The following PTPRB variants were observed in gnomAD, a reference collection of about 807,000 sequenced individuals.
PTPRB encodes the protein protein tyrosine phosphatase receptor type B, also known as receptor-type tyrosine-protein phosphatase beta.
A neutral mutation model predicts 238.1 loss-of-function variants in PTPRB; 97 were observed. The observed-to-expected ratio is 0.41, with a 90% confidence interval of 0.35 to 0.48. The LOEUF is 0.48. PTPRB is among the 20% of genes least tolerant of loss of function. The pLI is 0.30. For missense variants in PTPRB, 2,292 were observed against 2,681.9 expected (o/e 0.85, Z 3.21); for synonymous variants, 970 against 995.4 (o/e 0.97, Z 0.48).
Position 70,562,884 on chromosome 12 carries a change from A to G in PTPRB, c.4128T>C (p.Ser1376=), listed in dbSNP as rs753817349. The change falls in exon 16 of 34, where the codon AGT becomes AGC. Residue 1376 remains serine (S), a synonymous_variant. Transcript: ENST00000334414. ...RMYKMVIVTH[S]GELSNESFIF... ...TGAAAGACTCATTAGACAGCTCCCCACTGTGAGTTACAATCACCATCTTGT... is the reference window on the plus strand; with the variant it reads ...TGAAAGACTCATTAGACAGCTCCCCGCTGTGAGTTACAATCACCATCTTGT... 2 of 1,613,982 alleles carry G rather than the reference A, an allele frequency of 1.2e-6. No homozygotes were observed. The highest frequency in any genetic ancestry group is 1.1e-5 in the South Asian group (1 of 91,082).
In PTPRB at chr12:70,518,504, A is replaced by G. The variant is rs2136184744; in HGVS notation, c.*2985T>C. 1 of 152,326 alleles carries G rather than the reference A, an allele frequency of 6.6e-6. No individual in the cohort carries two copies. The highest frequency in any genetic ancestry group is 1.9e-4 in the East Asian group (1 of 5,182). 9.4% of individuals were successfully genotyped at this position (152,326 alleles called of 1,614,324 possible). A position where few individuals can be genotyped will look rare whatever the true frequency, so the allele number is the denominator to read the frequency against. ...GGACTATGAAATTATACTCATGGGT[A>G]TAAAAGATAATATGAACAGTAGATA... is the stretch of plus-strand genomic sequence containing the variant. On this transcript the variant is annotated 3_prime_UTR_variant, in exon 34 of 34. Coordinates refer to ENST00000334414, the MANE Select transcript of PTPRB (RefSeq NM_001109754.4).
intron 10 of PTPRB, 58 bp from the exon 11 acceptor site, chr12:70,576,703 GAC>G: frequency 2.5e-6 from 2 of 788,998 alleles, no homozygotes; most frequent in South Asian, 3.4e-5. Flanking sequence ...CAAAAAGAAA[GAC>G]ACAGTCAAAA....
chr12:70,588,931 C>T (rs1592544846), intron 8 of PTPRB, among the ~76,000 whole-genome samples: 1 of 152,054 alleles, frequency 6.6e-6, no homozygotes, highest in Non-Finnish European at 1.5e-5. Flanking sequence ...CCAGCCTAGG[C>T]CTGGGAGACA....
chr12:70,540,273 T>C (rs1252755810), intron 23 of PTPRB: 1 of 382,024 alleles, frequency 2.6e-6, no homozygotes, highest in Non-Finnish European at 4.7e-6. Flanking sequence ...TATAATCACT[T>C]CCCACATTCT....
intron 21 of PTPRB, among the ~76,000 whole-genome samples, chr12:70,550,762 C>G: frequency 6.6e-6 from 1 of 152,118 alleles, no homozygotes; most frequent in Middle Eastern, 3.2e-3. Context: ...TCACCCCTCC[C>G]CTTTCCATAA....
intron 4 of PTPRB, among the ~76,000 whole-genome samples, chr12:70,597,224 C>T (rs1212958727): frequency 6.6e-6 from 1 of 152,092 alleles, no homozygotes; most frequent in Non-Finnish European, 1.5e-5. Flanking sequence ...ATCTGGCCCC[C>T]TATATCCCTA....
At chr12:70,606,818 G>A (rs1475259706) in intron 4 of PTPRB, among the ~76,000 whole-genome samples, 1 of 152,104 alleles carries the variant, frequency 6.6e-6, no homozygotes, top group East Asian at 1.9e-4. Context: ...ATTCCTCCCT[G>A]AAACAATTTT....
chr12:70,618,288 C>A (rs1884768867), intron 3 of PTPRB, among the ~76,000 whole-genome samples: 1 of 151,984 alleles, frequency 6.6e-6, no homozygotes. Flanking sequence ...TTTATTTTTT[C>A]TTGCAGAGAC....
rs753042261 is a variant in PTPRB, at chr12:70,576,662, T to TGGGGG, written c.2579-22_2579-18dup. The TGGGGG allele has an allele frequency of 0.013, 193 of 15,266 alleles. 5 individuals are homozygous for TGGGGG. The highest frequency in any genetic ancestry group is 0.019 in the South Asian group (3 of 162). 0.9% of individuals were successfully genotyped at this position (15,266 alleles called of 1,614,324 possible). A position where few individuals can be genotyped will look rare whatever the true frequency, so the allele number is the denominator to read the frequency against. On this transcript the variant is annotated splice_polypyrimidine_tract_variant and intron_variant, in intron 10 of 33. Coordinates refer to ENST00000334414, the MANE Select transcript of PTPRB (RefSeq NM_001109754.4). ...TGGAAGGGACTGTGATTTTGAAAGGTGGGGGGCGGGGGGGGGGGGGAAGGG... is the reference window on the plus strand; with the variant it reads ...TGGAAGGGACTGTGATTTTGAAAGGTGGGGGGGGGGGCGGGGGGGGGGGGGAAGGG...
chr12:70,575,248 G>A (rs112725174), intron 11 of PTPRB, among the ~76,000 whole-genome samples: 1 of 152,126 alleles, frequency 6.6e-6, no homozygotes, highest in Non-Finnish European at 1.5e-5. Context: ...CCTTCTCTGG[G>A]ACTTCCTTTA....
chr12:70,615,932 TAA>T (rs1592595677), intron 3 of PTPRB, among the ~76,000 whole-genome samples: 1 of 152,186 alleles, frequency 6.6e-6, no homozygotes, highest in African/African-American at 2.4e-5. Context: ...GCAATCTCAA[TAA>T]AGTTATCAAA....
Position 70,552,957 on chromosome 12 carries a change from T to C in PTPRB, c.5207A>G (p.Asn1736Ser), listed in dbSNP as rs761321515. The change falls in exon 21 of 34, where the codon AAT (asparagine) becomes AGT (serine). Residue 1736 changes from asparagine to serine, a missense_variant. Transcript: ENST00000334414. ...AGTCTGATACACCCGAATGGAGGCA[T>C]TGTGCCTGTACTCCAGGTAGGAAGG... is the stretch of plus-strand genomic sequence containing the variant. ...PLPSYLEYRH[N>S]ASIRVYQTNY... 4 of 1,613,798 alleles carry C rather than the reference T, an allele frequency of 2.5e-6. No homozygotes were observed. The African/African-American group carries it at 4.0e-5, about 16-fold the overall frequency.
chr12:70,521,567 A>T (rs369876), intron 33 of PTPRB, 56 bp from the exon 34 acceptor site: 1 of 1,436,960 alleles, frequency 7.0e-7, no homozygotes, highest in East Asian at 2.6e-5. Context: ...ATAATTGTTT[A>T]CGCTGTTTAT....
Position 70,560,623 on chromosome 12 carries a change from G to C in PTPRB, c.4432+48C>G. 6.2e-7 allele frequency: 1 copy of C among 1,600,922 alleles called. No homozygotes were observed. The highest frequency in any genetic ancestry group is 8.5e-7 in the Non-Finnish European group (1 of 1,172,664). On this transcript the variant is annotated intron_variant, in intron 17 of 33. Transcript: ENST00000334414. This position sits in a 1 kb window ranked among gnomAD's most constrained non-coding sequence, Gnocchi z 4.2. ...AAATCAGAATCAAAATGTGTCTCTG[G>C]AAGCTACTTCCCACCATCCCTTGGC...
At chr12:70,587,682 G>A (rs2136447331) in intron 8 of PTPRB, among the ~76,000 whole-genome samples, 1 of 152,312 alleles carries the variant, frequency 6.6e-6, no homozygotes, top group East Asian at 1.9e-4. Flanking sequence ...CATTTCTGAG[G>A]TGGGGGACAC....
At chr12:70,565,218 T>C (rs1437980869) in intron 15 of PTPRB, among the ~76,000 whole-genome samples, 1 of 152,222 alleles carries the variant, frequency 6.6e-6, no homozygotes, top group African/African-American at 2.4e-5. Context: ...ATACATCTTT[T>C]ATTACAAAAC....
At chr12:70,628,751 G>A (rs1885315998) in intron 2 of PTPRB, among the ~76,000 whole-genome samples, 1 of 151,976 alleles carries the variant, frequency 6.6e-6, no homozygotes, top group Non-Finnish European at 1.5e-5. Flanking sequence ...TTCTTTTACA[G>A]ATAGGGTCTT....
At chr12:70,620,079 T>C (rs751363) in intron 3 of PTPRB, among the ~76,000 whole-genome samples, 53,180 of 152,108 alleles carry the variant, frequency 0.35, 9,584 homozygotes, top group East Asian at 0.58. Flanking sequence ...CTTTTACACA[T>C]TAGCTTACCA....
chr12:70,598,434 G>T (rs911450712), intron 4 of PTPRB, among the ~76,000 whole-genome samples: 3 of 152,104 alleles, frequency 2.0e-5, no homozygotes, highest in African/African-American at 7.2e-5. Flanking sequence ...AGACAGCATG[G>T]GCTTTGGAGT....
Sources: allele counts gnomAD v4.1 joint callset (sites outside exome capture counted in the v4.1 genomes callset), GRCh38; gene constraint gnomAD v4.1.1; non-coding constraint Gnocchi (gnomAD v3.1); transcripts MANE v1.5; gene names NCBI Gene and HGNC (gene_info 2026-07-23, HGNC 2026-07-21).